Variants in SLC8A3 observed in about 807,000 individuals in gnomAD.
The protein encoded by SLC8A3 is solute carrier family 8 member A3, also known as sodium/calcium exchanger 3.
In SLC8A3, 37 loss-of-function variants were observed where a neutral mutation model predicts 65.4. The ratio of observed to expected loss-of-function variants is 0.57; its 90% CI spans 0.44 to 0.74. The LOEUF (loss-of-function observed/expected upper bound fraction) is 0.74. SLC8A3 is among the 30% of genes least tolerant of loss of function. The pLI, the probability that SLC8A3 is intolerant of heterozygous loss-of-function variation, is 0.00. For missense variants in SLC8A3, 1,112 were observed against 1,172.1 expected, an observed-to-expected ratio of 0.95 and a Z score of 0.75; for synonymous variants, 461 against 444.5, an observed-to-expected ratio of 1.04 and a Z score of -0.47.
chr14:70,095,655 T>C (rs1892123429), intron 2 of SLC8A3, among the ~76,000 whole-genome samples: 1 of 152,174 alleles, frequency 6.6e-6, no homozygotes, highest in African/African-American at 2.4e-5. Context: ...AACAACGATA[T>C]GTAAACTTGG....
intron 2 of SLC8A3, among the ~76,000 whole-genome samples, chr14:70,077,811 C>T (rs978917525): frequency 5.9e-5 from 9 of 152,252 alleles, no homozygotes; most frequent in Admixed American, 5.9e-4. Context: ...TGTTCCTTTA[C>T]TCTTTTGCCT....
intron 6 of SLC8A3, 46 bp downstream of exon 6, chr14:70,048,721 A>G (rs1183780112): frequency 6.4e-7 from 1 of 1,558,120 alleles, no homozygotes; most frequent in South Asian, 1.1e-5. Flanking sequence ...GGTCATTTGA[A>G]CCAGGTAAAA....
chr14:70,083,179 T>C (rs1566766858), intron 2 of SLC8A3, among the ~76,000 whole-genome samples: 1 of 152,196 alleles, frequency 6.6e-6, no homozygotes, highest in Non-Finnish European at 1.5e-5. Flanking sequence ...TCTGACCACA[T>C]ACGTAGAGTG....
intron 2 of SLC8A3, among the ~76,000 whole-genome samples, chr14:70,082,375 C>T (rs550182205): frequency 2.0e-4 from 31 of 152,176 alleles, no homozygotes; most frequent in Non-Finnish European, 3.4e-4. Context: ...TTCCTAATCT[C>T]CTTTGCTGCT....
intron 1 of SLC8A3, among the ~76,000 whole-genome samples, chr14:70,183,689 G>T (rs192745105): frequency 7.9e-5 from 12 of 152,340 alleles, no homozygotes; most frequent in African/African-American, 2.9e-4. Context: ...TCTCTGGTTT[G>T]TCTGGAGACC....
At chr14:70,125,759 C>G (rs1894402172) in intron 2 of SLC8A3, among the ~76,000 whole-genome samples, 1 of 151,914 alleles carries the variant, frequency 6.6e-6, no homozygotes, top group African/African-American at 2.4e-5. Context: ...TCCTAGGGAG[C>G]TTTTTTTTAA....
At chr14:70,140,895 C>T (rs1895523978) in intron 2 of SLC8A3, among the ~76,000 whole-genome samples, 1 of 152,184 alleles carries the variant, frequency 6.6e-6, no homozygotes, top group Non-Finnish European at 1.5e-5. Context: ...CCTAATTAGA[C>T]TATAAGCTAC....
At chr14:70,163,901 A>T (rs1897024656) in intron 2 of SLC8A3, among the ~76,000 whole-genome samples, 1 of 152,130 alleles carries the variant, frequency 6.6e-6, no homozygotes, top group African/African-American at 2.4e-5. Flanking sequence ...ACTGCAGAAG[A>T]TATTCTAAGG....
chr14:70,074,925 T>C (rs935558502), intron 2 of SLC8A3, among the ~76,000 whole-genome samples: 1 of 152,132 alleles, frequency 6.6e-6, no homozygotes, highest in African/African-American at 2.4e-5. Context: ...TGATGCCTTG[T>C]GGTGTAATAG....
At chr14:70,057,768 C>A (rs1888330970) in intron 3 of SLC8A3, among the ~76,000 whole-genome samples, 1 of 152,138 alleles carries the variant, frequency 6.6e-6, no homozygotes, top group Non-Finnish European at 1.5e-5. Context: ...CCTGCTCAGA[C>A]ACCCCAGGGA....
intron 2 of SLC8A3, among the ~76,000 whole-genome samples, chr14:70,079,364 G>A (rs1448825703): frequency 1.3e-5 from 2 of 150,172 alleles, no homozygotes; most frequent in East Asian, 3.9e-4. Context: ...TCAGCCAGGC[G>A]TGGTGGTGCA....
intron 2 of SLC8A3, among the ~76,000 whole-genome samples, chr14:70,108,785 T>C (rs576763109): frequency 6.6e-6 from 1 of 152,348 alleles, no homozygotes; most frequent in Non-Finnish European, 1.5e-5. Context: ...TCCTATTGCA[T>C]TGAAATTCTA....
At chr14:70,069,800 C>T (rs1485025882) in intron 2 of SLC8A3, among the ~76,000 whole-genome samples, 1 of 152,178 alleles carries the variant, frequency 6.6e-6, no homozygotes, top group African/African-American at 2.4e-5. Context: ...TGTGTCATCT[C>T]GTCCCTGAAA....
At chr14:70,108,122 T>C (rs1183521659) in intron 2 of SLC8A3, among the ~76,000 whole-genome samples, 1 of 152,172 alleles carries the variant, frequency 6.6e-6, no homozygotes, top group Non-Finnish European at 1.5e-5. Context: ...TGGCACACAG[T>C]AGAGTCTCAA....
At chr14:70,103,200 T>C (rs1295054074) in intron 2 of SLC8A3, among the ~76,000 whole-genome samples, 2 of 152,118 alleles carry the variant, frequency 1.3e-5, no homozygotes, top group East Asian at 3.9e-4. Context: ...CCAATTAAAA[T>C]ATATTTCAAA....
intron 1 of SLC8A3, among the ~76,000 whole-genome samples, chr14:70,169,356 G>A (rs1182955300): frequency 6.6e-6 from 1 of 152,134 alleles, no homozygotes; most frequent in Non-Finnish European, 1.5e-5. Context: ...AGTAAAACCT[G>A]CTTATGAGCA....
rs1283245415 is a variant in SLC8A3 at position 70,081,008 on chromosome 14, T to C, written c.1785-20069A>G. Reference sequence around the variant, plus strand: ...CAAGCCACCTGGACTCCAAATCTAATGTTCTTTCCAGTATACCAATGGTTA... The same window carrying C: ...CAAGCCACCTGGACTCCAAATCTAACGTTCTTTCCAGTATACCAATGGTTA... On this transcript the variant is annotated intron_variant, in intron 2 of 6. Coordinates refer to ENST00000356921, the MANE Select transcript of SLC8A3 (RefSeq NM_182932.3). 5.3e-5 allele frequency among the ~76,000 whole-genome samples: 8 copies of C among 152,216 alleles called. No individual in the cohort carries two copies. In the East Asian group the frequency reaches 1.5e-3, roughly 29 times the overall value.
chr14:70,056,915 T>TAAGA (rs1888186728), intron 3 of SLC8A3, among the ~76,000 whole-genome samples: 1 of 152,184 alleles, frequency 6.6e-6, no homozygotes, highest in Admixed American at 6.5e-5. Flanking sequence ...CACACCACAT[T>TAAGA]TTCATTTCTA....
chr14:70,051,864 G>T, intron 4 of SLC8A3, 126 bp downstream of exon 4: 2 of 708,976 alleles, frequency 2.8e-6, no homozygotes, highest in East Asian at 2.8e-5. Context: ...GACCTGGGGT[G>T]GGTAAGTGAT....
Sources: gnomAD v4.1 joint callset for allele counts (sites outside exome capture counted in the v4.1 genomes callset) on GRCh38, gnomAD v4.1.1 for gene constraint, MANE v1.5 for transcripts, NCBI Gene and HGNC (gene_info 2026-07-23, HGNC 2026-07-21) for gene names.